The following ARX variants were observed in gnomAD, a reference collection of about 807,000 sequenced individuals.
ARX encodes the protein aristaless related homeobox.
Under a neutral mutation model 23.1 loss-of-function variants are expected in ARX, and 1 was observed. The ratio of observed to expected loss-of-function variants is 0.04; its 90% CI spans 0.02 to 0.21. The LOEUF is 0.21. ARX is among the 10% of genes least tolerant of loss of function. ARX has a pLI of 1.00. For synonymous variants in ARX, 301 were observed against 270.1 expected (o/e 1.11, Z -1.12); for missense variants, 380 against 527.5 (o/e 0.72, Z 2.74).
intron 1 of ARX, 69 bp downstream of exon 1, chrX:25,015,473 C>A: frequency 8.7e-7 from 1 of 1,143,765 alleles, no homozygotes. Flanking sequence ...AGGCCACTGG[C>A]CCCCGAACAC....
intron 1 of ARX, 43 bp from the exon 2 acceptor site, chrX:25,013,841 A>G: frequency 2.2e-6 from 2 of 897,412 alleles, no homozygotes; most frequent in Non-Finnish European, 2.7e-6. Flanking sequence ...CCGGCCGGGG[A>G]GTCCCAGCCA....
intron 4 of ARX, among the ~76,000 whole-genome samples, chrX:25,005,549 C>CG (rs2048674414): frequency 8.9e-6 from 1 of 112,484 alleles, no homozygotes; most frequent in Admixed American, 9.3e-5. Flanking sequence ...CCAGCGCCTG[C>CG]GGGTGAGAGT....
Position 25,013,409 on chromosome X carries a change from C to G in ARX, c.586G>C (p.Gly196Arg), listed in dbSNP as rs1287749285. Residue 196 changes from glycine to arginine, a missense_variant, in exon 2 of 5, where the codon GGG becomes CGG. By Grantham distance (125) the Gly-to-Arg change is moderately radical. Coordinates refer to ENST00000379044, the MANE Select transcript of ARX (RefSeq NM_139058.3). ...PPALDELGGP[G>R]GVTHPEERLG... ...CGCTCCTCCGGGTGCGTGACGCCCCCCGGGCCGCCCAGCTCGTCCAGCGCG... is the reference window on the plus strand; with the variant it reads ...CGCTCCTCCGGGTGCGTGACGCCCCGCGGGCCGCCCAGCTCGTCCAGCGCG... 2 of 1,001,176 alleles carry G rather than the reference C, an allele frequency of 2.0e-6. No homozygotes were observed. The highest frequency in any genetic ancestry group is 5.0e-5 in the Admixed American group (1 of 20,078). The allele number at this position is 1,001,176 out of a possible 1,213,427, so 82.5% of individuals were successfully genotyped here.
In ARX at chrX:25,015,807, GGT is replaced by G. The variant is rs1443340633; in HGVS notation, c.-72_-71del. 3.9e-6 allele frequency: 4 copies of G among 1,033,248 alleles called. No individual in the cohort carries two copies. The African/African-American group carries it at 5.6e-5, about 14-fold the overall frequency. The allele number at this position is 1,033,248 out of a possible 1,213,427, so 85.2% of individuals were successfully genotyped here. On this transcript the variant is annotated 5_prime_UTR_variant, in exon 1 of 5. Transcript: ENST00000379044. ...CCTCTCCCGGAGGGTGGGATGGATG[GGT>G]GTGTGTTGGGGGTGGGGTTAGATAG...
intron 3 of ARX, among the ~76,000 whole-genome samples, chrX:25,010,001 C>T (rs1449549099): frequency 9.0e-6 from 1 of 111,390 alleles, no homozygotes; most frequent in Non-Finnish European, 1.9e-5. Context: ...GTCTCAGGGA[C>T]TCTAAAGCCC....
intron 2 of ARX, among the ~76,000 whole-genome samples, chrX:25,012,072 G>A (rs1042280105): frequency 5.3e-5 from 6 of 112,725 alleles, no homozygotes; most frequent in African/African-American, 1.9e-4. Flanking sequence ...AGAAAAACAA[G>A]TGGGAGGTGG....
intron 3 of ARX, 91 bp from the exon 4 acceptor site, chrX:25,007,530 G>T: frequency 1.9e-6 from 2 of 1,041,843 alleles, no homozygotes; most frequent in South Asian, 4.7e-5. Context: ...GCGCTGCGGG[G>T]CCCCCTTCCT....
Position 25,004,421 on chromosome X carries a change from T to G in ARX, c.*249A>C. The G allele has an allele frequency of 2.4e-6, 1 of 416,452 alleles. No individual in the cohort carries two copies. Among genetic ancestry groups the G allele is most frequent in the Non-Finnish European group, 4.1e-6 (1 of 243,293 alleles). 34.3% of individuals were successfully genotyped at this position (416,452 alleles called of 1,213,427 possible). On this transcript the variant is annotated 3_prime_UTR_variant, in exon 5 of 5. Coordinates refer to ENST00000379044, the MANE Select transcript of ARX (RefSeq NM_139058.3). ...AAGTAAGAACAAGAGAGAGTGGATG[T>G]TGGAGTTGGAGCGAGGTTGGCAGTA...
At position 25,015,592 on chromosome X, in the gene ARX, C is replaced by T; in HGVS notation, c.146G>A (p.Ser49Asn). 2 of 1,210,390 alleles carry T rather than the reference C, an allele frequency of 1.7e-6. No individual in the cohort carries two copies. Among genetic ancestry groups the T allele is most frequent in the Non-Finnish European group, 1.1e-6 (1 of 894,793 alleles). ...GCGGCTGGTCAGCGGAGCAGGCAAG[C>T]TCTGCGCGGCTCCCAGCAACCGCAT... ...CKMRLLGAAQ[S>N]LPAPLTSRAD... The change falls in exon 1 of 5, where the codon AGC becomes AAC. Residue 49 changes from serine to asparagine, a missense_variant. Coordinates refer to ENST00000379044, the MANE Select transcript of ARX (RefSeq NM_139058.3).
intron 1 of ARX, among the ~76,000 whole-genome samples, chrX:25,014,846 G>A (rs769509447): frequency 3.3e-4 from 37 of 112,229 alleles, no homozygotes; most frequent in African/African-American, 1.2e-3. Context: ...GGCGAAACTT[G>A]AGGATAACAG....
chrX:25,012,274 G>A (rs1284185733), intron 2 of ARX, among the ~76,000 whole-genome samples: 1 of 112,723 alleles, frequency 8.9e-6, no homozygotes, highest in Admixed American at 9.3e-5. Context: ...TCTGGCTGGG[G>A]CCCCTCAGGT....
intron 2 of ARX, among the ~76,000 whole-genome samples, chrX:25,011,245 T>C (rs1238949043): frequency 1.8e-5 from 2 of 111,688 alleles, no homozygotes; most frequent in Admixed American, 1.9e-4. Flanking sequence ...AGGTAAACCG[T>C]CTCCATAAGT....
rs2048665799 is a variant in ARX at position 25,004,021 on chromosome X, A to C, written c.*649T>G. On this transcript the variant is annotated 3_prime_UTR_variant, in exon 5 of 5. Coordinates refer to ENST00000379044, the MANE Select transcript of ARX (RefSeq NM_139058.3). ...TTTTTTTAATAACAATGGTATGTACAGAATCAATAATCACAGTTTGGTGAC... is the reference window on the plus strand; with the variant it reads ...TTTTTTTAATAACAATGGTATGTACCGAATCAATAATCACAGTTTGGTGAC... 9.2e-6 allele frequency: 1 copy of C among 108,565 alleles called. No homozygotes were observed. Among genetic ancestry groups the C allele is most frequent in the Non-Finnish European group, 1.9e-5 (1 of 52,488 alleles). The allele number at this position is 108,565 out of a possible 1,213,427, so 8.9% of individuals were successfully genotyped here. A position where few individuals can be genotyped will look rare whatever the true frequency, so the allele number is the denominator to read the frequency against.
rs2147318452 is a variant in ARX, at chrX:25,004,508, C to T, written c.*162G>A. 1.1e-6 allele frequency: 1 copy of T among 950,359 alleles called. No individual in the cohort carries two copies. The highest frequency in any genetic ancestry group is 2.4e-5 in the South Asian group (1 of 42,321). 78.3% of individuals were successfully genotyped at this position (950,359 alleles called of 1,213,427 possible). A position where few individuals can be genotyped will look rare whatever the true frequency, so the allele number is the denominator to read the frequency against. On this transcript the variant is annotated 3_prime_UTR_variant, in exon 5 of 5. Coordinates refer to ENST00000379044, the MANE Select transcript of ARX (RefSeq NM_139058.3). ...GAGGAGGTGCCACGTCCCGGAGCGC[C>T]GAGGGCTGCCATGCCCGCATCCAGA... is the stretch of plus-strand genomic sequence containing the variant.
At position 25,013,385 on chromosome X, in the gene ARX, G is replaced by C; in HGVS notation, c.610C>G (p.Arg204Gly). The change falls in exon 2 of 5, where the codon CGC (arginine) becomes GGC (glycine). Residue 204 changes from arginine to glycine, a missense_variant. Physicochemically the swap from Arg to Gly is moderately radical, Grantham distance 125 (BLOSUM62 -2). Around this residue, in one of 3 missense-constraint regions of ARX, gnomAD observed 235 missense variants for 270.2 expected, o/e 0.87. Coordinates refer to ENST00000379044, the MANE Select transcript of ARX (RefSeq NM_139058.3). ...CCCGGGCCGCCGGCCACGCCGAGGC[G>C]CTCCTCCGGGTGCGTGACGCCCCCC... ...GPGGVTHPEE[R>G]LGVAGGPGSA... 1 of 1,120,474 alleles carries C rather than the reference G, an allele frequency of 8.9e-7. No homozygotes were observed. Among genetic ancestry groups the C allele is most frequent in the Non-Finnish European group, 1.2e-6 (1 of 857,638 alleles). 92.3% of individuals were successfully genotyped at this position (1,120,474 alleles called of 1,213,427 possible). A position where few individuals can be genotyped will look rare whatever the true frequency, so the allele number is the denominator to read the frequency against.
intron 4 of ARX, among the ~76,000 whole-genome samples, chrX:25,005,556 G>C (rs918149769): frequency 8.9e-6 from 1 of 112,592 alleles, no homozygotes. Flanking sequence ...CTGCGGGTGA[G>C]AGTGAAGGGC....
intron 4 of ARX, among the ~76,000 whole-genome samples, chrX:25,005,714 G>A (rs1270042631): frequency 1.8e-5 from 2 of 112,678 alleles, no homozygotes; most frequent in Non-Finnish European, 3.8e-5. Context: ...CGCGGCGCAA[G>A]GCGATGCCCA....
chrX:25,011,457 G>A (rs891930486), intron 2 of ARX, among the ~76,000 whole-genome samples: 1 of 113,225 alleles, frequency 8.8e-6, no homozygotes, highest in Non-Finnish European at 1.9e-5. Context: ...AAGAAAGGGC[G>A]GACGTGGATG....
At chrX:25,010,175 C>A in intron 3 of ARX, 85 bp downstream of exon 3, 1 of 829,271 alleles carries the variant, frequency 1.2e-6, no homozygotes, top group Admixed American at 2.5e-5. Context: ...TCACCCCCCG[C>A]ACCCCCCCGC....
Sources: allele counts gnomAD v4.1 joint callset (sites outside exome capture counted in the v4.1 genomes callset), GRCh38; gene constraint gnomAD v4.1.1; regional missense constraint gnomAD v4.1.1; transcripts MANE v1.5; gene names NCBI Gene and HGNC (gene_info 2026-07-23, HGNC 2026-07-21).